Variants in NWD1 observed in about 807,000 individuals in gnomAD.
The protein encoded by NWD1 is NACHT and WD repeat domain containing 1, also known as NACHT domain- and WD repeat-containing protein 1.
A neutral mutation model predicts 135.1 loss-of-function variants in NWD1; 129 were observed. The ratio of observed to expected loss-of-function variants is 0.96; its 90% CI spans 0.83 to 1.11. The LOEUF is 1.11. Ranked by LOEUF, NWD1 falls within the 50% of genes least tolerant of loss-of-function variation. The pLI, the probability that NWD1 is intolerant of heterozygous loss-of-function variation, is 0.00. For synonymous variants in NWD1, 773 were observed against 786.0 expected (o/e 0.98, Z 0.28); for missense variants, 1,740 against 1,851.3 (o/e 0.94, Z 1.10).
At chr19:16,751,996 A>G (rs1041507848) in intron 6 of NWD1, among the ~76,000 whole-genome samples, 1 of 152,024 alleles carries the variant, frequency 6.6e-6, no homozygotes. Context: ...GAAGGAAGGA[A>G]GGAAGGAAGC....
rs1319544249 is a variant in NWD1 at position 16,736,706 on chromosome 19, G to T, written c.154G>T (p.Glu52Ter). The change falls in exon 4 of 19, where the codon GAG (glutamate) becomes TAG (stop). Residue 52 changes from glutamate (E) to a stop codon, truncating the protein, a stop_gained. Coordinates refer to ENST00000524140, the MANE Select transcript of NWD1 (RefSeq NM_001007525.5). LOFTEE classifies it high-confidence loss of function. ...DHLTTELCLE[E>*]VDRCWKTSIG... is the part of the protein sequence containing the mutation. ...CTTGACCACAGAACTCTGCTTGGAG[G>T]AGGTTGACCGGTGTTGGAAAACATC... is the stretch of plus-strand genomic sequence containing the variant. 2 of 1,536,254 alleles carry T rather than the reference G, an allele frequency of 1.3e-6. No individual in the cohort carries two copies. Among genetic ancestry groups the T allele is most frequent in the African/African-American group, 1.4e-5 (1 of 73,036 alleles).
chr19:16,721,005 C>T (rs1042670988), intron 1 of NWD1, among the ~76,000 whole-genome samples: 6 of 151,980 alleles, frequency 3.9e-5, no homozygotes, highest in East Asian at 3.9e-4. Flanking sequence ...TACATGCCAC[C>T]GCGCCAGCTA....
At chr19:16,802,647 A>T (rs926923576) in intron 17 of NWD1, among the ~76,000 whole-genome samples, 1 of 152,038 alleles carries the variant, frequency 6.6e-6, no homozygotes, top group Non-Finnish European at 1.5e-5. Context: ...AATGAGCCAC[A>T]TAAACCTCTT....
chr19:16,774,965 C>T (rs997791649), intron 11 of NWD1, among the ~76,000 whole-genome samples: 6 of 152,110 alleles, frequency 3.9e-5, no homozygotes, highest in Non-Finnish European at 8.8e-5. Flanking sequence ...CACCCACTCA[C>T]TCATCCAACT....
At chr19:16,786,767 G>A (rs924614755) in intron 12 of NWD1, among the ~76,000 whole-genome samples, 2 of 151,854 alleles carry the variant, frequency 1.3e-5, no homozygotes, top group African/African-American at 4.8e-5. Flanking sequence ...GGCTGGTCTC[G>A]ATTCGAACTC....
At chr19:16,809,284 A>G (rs1303393171) in intron 18 of NWD1, among the ~76,000 whole-genome samples, 2 of 151,864 alleles carry the variant, frequency 1.3e-5, no homozygotes, top group East Asian at 2.0e-4. Flanking sequence ...GGGTTTTGCC[A>G]TGTTGTCCAG....
intron 12 of NWD1, among the ~76,000 whole-genome samples, chr19:16,782,586 G>A (rs1343065362): frequency 6.6e-6 from 1 of 152,040 alleles, no homozygotes; most frequent in African/African-American, 2.4e-5. Flanking sequence ...GCCCTAAAAG[G>A]CTCAATTGAC....
rs548526933 is a variant in NWD1, at chr19:16,759,226, C to G, written c.1771C>G (p.His591Asp). ...AAGCCCCACTGGTCCTCCCTTCAGA[C>G]ACGGTCTCTCGGAGGCGGAGCTGAA... ...HVLGYIVSSR[H>D]GLSEAELKDV... The change falls in exon 7 of 19, where the codon CAC becomes GAC. Residue 591 changes from histidine to aspartate, a missense_variant and splice_region_variant. Coordinates refer to ENST00000524140, the MANE Select transcript of NWD1 (RefSeq NM_001007525.5). 6.2e-7 allele frequency: 1 copy of G among 1,613,044 alleles called. No homozygotes were observed. Among genetic ancestry groups the G allele is most frequent in the Non-Finnish European group, 8.5e-7 (1 of 1,179,096 alleles).
rs534816872 is a variant in NWD1 at position 16,787,876 on chromosome 19, CAATAATAAT to C, written c.2732-1084_2732-1076del. Among the ~76,000 whole-genome samples, 100 of 119,484 alleles carry C rather than the reference CAATAATAAT, an allele frequency of 8.4e-4. 1 individual carries two copies. The highest frequency in any genetic ancestry group is 4.5e-3 in the Middle Eastern group (1 of 222). The allele number at this position is 119,484 out of a possible 152,430, so 78.4% of individuals were successfully genotyped here. Reference sequence around the variant, plus strand: ...CTCCATCTCAAAATAGTAATAATAACAATAATAATAATAATAATAATAATAATAATCATC... The same window carrying C: ...CTCCATCTCAAAATAGTAATAATAACAATAATAATAATAATAATAATCATC... On this transcript the variant is annotated intron_variant, in intron 12 of 18. Coordinates refer to ENST00000524140, the MANE Select transcript of NWD1 (RefSeq NM_001007525.5).
At chr19:16,797,912 T>A (rs770735784) in intron 16 of NWD1, 26 bp downstream of exon 16, 7 of 1,592,676 alleles carry the variant, frequency 4.4e-6, no homozygotes, top group Non-Finnish European at 6.0e-6. Flanking sequence ...GGACCCTTCA[T>A]CCTCACCTCC....
chr19:16,788,966 C>T lies in NWD1; in HGVS notation c.2732-16C>T, dbSNP rs747676821. 1.5e-5 allele frequency: 24 copies of T among 1,600,210 alleles called. No homozygotes were observed. Among genetic ancestry groups the T allele is most frequent in the Non-Finnish European group, 2.0e-5 (23 of 1,169,226 alleles). Reference sequence around the variant, plus strand: ...TTCCCAGCTAATATACTCTCCCCTACCCTGGCCTGCTGCAGGAGAGGTGAG... The same window carrying T: ...TTCCCAGCTAATATACTCTCCCCTATCCTGGCCTGCTGCAGGAGAGGTGAG... On this transcript the variant is annotated splice_polypyrimidine_tract_variant and intron_variant, in intron 12 of 18. Transcript: ENST00000524140.
rs373258516 is a variant in NWD1, at chr19:16,749,987, C to T, written c.1345C>T (p.Arg449Trp). 53 of 1,613,734 alleles carry T rather than the reference C, an allele frequency of 3.3e-5. No homozygotes were observed. The highest frequency in any genetic ancestry group is 3.3e-4 in the Middle Eastern group (2 of 6,084). ...MDDLDSVRHARRVPWLPLNCP... is the reference protein window; with the variant it reads ...MDDLDSVRHAWRVPWLPLNCP... Reference sequence around the variant, plus strand: ...TGACCTGGACTCTGTCCGCCATGCTCGGAGGGTTCCCTGGCTGCCTCTCAA... The same window carrying T: ...TGACCTGGACTCTGTCCGCCATGCTTGGAGGGTTCCCTGGCTGCCTCTCAA... The change falls in exon 6 of 19, where the codon CGG (arginine) becomes TGG (tryptophan). Residue 449 changes from arginine (R) to tryptophan (W), a missense_variant. Coordinates refer to ENST00000524140, the MANE Select transcript of NWD1 (RefSeq NM_001007525.5).
intron 17 of NWD1, among the ~76,000 whole-genome samples, chr19:16,806,602 T>G: frequency 6.7e-6 from 1 of 150,258 alleles, no homozygotes; most frequent in Non-Finnish European, 1.5e-5. Context: ...TCCCAGTTAC[T>G]TGGGGGGCTG....
chr19:16,762,285 T>TC (rs1969048733), intron 8 of NWD1, 147 bp downstream of exon 8: 15 of 474,208 alleles, frequency 3.2e-5, no homozygotes, highest in East Asian at 7.1e-5. Context: ...CCTTCTACTG[T>TC]CCCCCCCACT....
At chr19:16,789,299 G>T (rs1406028902) in intron 13 of NWD1, 109 bp downstream of exon 13, 8 of 824,364 alleles carry the variant, frequency 9.7e-6, no homozygotes, top group Admixed American at 8.4e-5. Flanking sequence ...TGGGGTGGGG[G>T]TGTAAATGGA....
intron 3 of NWD1, among the ~76,000 whole-genome samples, chr19:16,732,663 A>T (rs1395156172): frequency 7.1e-6 from 1 of 140,858 alleles, no homozygotes; most frequent in East Asian, 1.9e-4. Flanking sequence ...TCAAAAAAAA[A>T]AAAAAAGAAA....
In NWD1 at chr19:16,800,026, C is replaced by A. The variant is rs750269027; in HGVS notation, c.3600C>A (p.Ser1200Arg). The change falls in exon 17 of 19, where the codon AGC becomes AGA. Residue 1200 changes from serine (S) to arginine (R), a missense_variant. Physicochemically the swap from Ser to Arg is moderately radical, Grantham distance 110. Coordinates refer to ENST00000524140, the MANE Select transcript of NWD1 (RefSeq NM_001007525.5). Reference protein sequence around the residue: ...QSSSFKVWDLSDAHRSRVPAP... With the variant: ...QSSSFKVWDLRDAHRSRVPAP... ...CATCTTTCAAGGTCTGGGATCTCAG[C>A]GATGCTCATAGGTCCCGGGTGCCTG... 6.2e-7 allele frequency: 1 copy of A among 1,614,074 alleles called. No homozygotes were observed. Among genetic ancestry groups the A allele is most frequent in the East Asian group, 2.2e-5 (1 of 44,882 alleles).
At chr19:16,783,864 TA>T (rs1969947272) in intron 12 of NWD1, among the ~76,000 whole-genome samples, 1 of 152,094 alleles carries the variant, frequency 6.6e-6, no homozygotes, top group African/African-American at 2.4e-5. Flanking sequence ...AACAACTATT[TA>T]CATAGCACGT....
chr19:16,806,088 G>A (rs141533810), intron 17 of NWD1, among the ~76,000 whole-genome samples: 162 of 152,144 alleles, frequency 1.1e-3, no homozygotes, highest in Non-Finnish European at 1.8e-3. Flanking sequence ...GGCCAGACTG[G>A]TCTCAAACTC....
Sources: gnomAD v4.1 joint callset for allele counts (sites outside exome capture counted in the v4.1 genomes callset) on GRCh38, gnomAD v4.1.1 for gene constraint, MANE v1.5 for transcripts, NCBI Gene and HGNC (gene_info 2026-07-23, HGNC 2026-07-21) for gene names.